The following CSMD1 variants were observed in gnomAD, a reference collection of about 807,000 sequenced individuals.
The protein encoded by CSMD1 is CUB and sushi domain-containing protein 1.
Under a neutral mutation model 417.5 loss-of-function variants are expected in CSMD1, and 213 were observed. The ratio of observed to expected loss-of-function variants is 0.51; its 90% CI spans 0.46 to 0.57. The LOEUF is 0.57. Among genes scored for constraint, CSMD1 ranks in the 20% least tolerant of loss-of-function variants. The pLI is 0.00. For synonymous variants in CSMD1, 2,862 were observed against 1,736.8 expected, an observed-to-expected ratio of 1.65 and a Z score of -16.11; for missense variants, 6,923 against 4,529.7, an observed-to-expected ratio of 1.53 and a Z score of -15.17.
chr8:3,733,937 G>A (rs1256458167), intron 6 of CSMD1, among the ~76,000 whole-genome samples: 6 of 152,068 alleles, frequency 3.9e-5, no homozygotes, highest in Non-Finnish European at 4.4e-5. Context: ...CACAGTTTCG[G>A]CCATCCACTG....
intron 25 of CSMD1, among the ~76,000 whole-genome samples, chr8:3,295,161 G>A (rs969024644): frequency 4.6e-5 from 7 of 151,800 alleles, no homozygotes; most frequent in African/African-American, 1.7e-4. Context: ...GTCTTGCTTT[G>A]TTGCCCAGGT....
At chr8:3,509,729 A>T (rs896884661) in intron 10 of CSMD1, among the ~76,000 whole-genome samples, 6 of 152,234 alleles carry the variant, frequency 3.9e-5, no homozygotes, top group African/African-American at 1.4e-4. Flanking sequence ...TAATTAACAG[A>T]ATAATCAGAG....
chr8:4,506,520 G>C (rs192956565), intron 2 of CSMD1, among the ~76,000 whole-genome samples: 1 of 152,136 alleles, frequency 6.6e-6, no homozygotes, highest in African/African-American at 2.4e-5. Context: ...AGGAGGCGGG[G>C]TTGGGGATGG....
chr8:3,935,012 G>A (rs1810386434), intron 5 of CSMD1, among the ~76,000 whole-genome samples: 1 of 152,106 alleles, frequency 6.6e-6, no homozygotes. Context: ...TCAAGTGCAT[G>A]GAGTATCTGA....
chr8:3,011,718 A>C (rs1022364426), intron 52 of CSMD1, among the ~76,000 whole-genome samples: 1 of 152,354 alleles, frequency 6.6e-6, no homozygotes, highest in African/African-American at 2.4e-5. Flanking sequence ...TGAAGAGGTA[A>C]CATAGTGGAG....
intron 15 of CSMD1, among the ~76,000 whole-genome samples, chr8:3,403,269 G>C (rs192473808): frequency 2.7e-4 from 41 of 152,264 alleles, no homozygotes; most frequent in African/African-American, 9.4e-4. Context: ...AATCAAGTTT[G>C]TTATCTGTAT....
intron 3 of CSMD1, among the ~76,000 whole-genome samples, chr8:4,079,180 G>T (rs148775041): frequency 1.3e-5 from 2 of 151,930 alleles, no homozygotes; most frequent in Non-Finnish European, 2.9e-5. Flanking sequence ...TTGAATATAA[G>T]CTAATGTTTT....
chr8:4,173,203 C>T (rs1251034250), intron 3 of CSMD1, among the ~76,000 whole-genome samples: 1 of 152,098 alleles, frequency 6.6e-6, no homozygotes, highest in East Asian at 1.9e-4. Context: ...AAGTGAATTT[C>T]AGATAAACGA....
At chr8:3,520,204 A>C (rs1585294857) in intron 10 of CSMD1, among the ~76,000 whole-genome samples, 1 of 152,222 alleles carries the variant, frequency 6.6e-6, no homozygotes, top group Non-Finnish European at 1.5e-5. Flanking sequence ...AATTTTTAAA[A>C]GTACTTCATA....
chr8:4,576,914 T>C (rs1019973190), intron 2 of CSMD1, among the ~76,000 whole-genome samples: 12 of 152,210 alleles, frequency 7.9e-5, no homozygotes, highest in Non-Finnish European at 1.5e-4. Context: ...ATTAATAGAA[T>C]GATTATTTAG....
At chr8:4,413,355 C>A (rs184219800) in intron 3 of CSMD1, among the ~76,000 whole-genome samples, 101 of 152,226 alleles carry the variant, frequency 6.6e-4, no homozygotes, top group African/African-American at 2.2e-3. Flanking sequence ...ATCATTCATT[C>A]TTTTATCCGA....
chr8:3,180,240 A>T (rs145022053), intron 37 of CSMD1, among the ~76,000 whole-genome samples: 30 of 152,364 alleles, frequency 2.0e-4, no homozygotes, highest in Non-Finnish European at 3.2e-4. Flanking sequence ...GACCTTTGTC[A>T]TTCCATTTAT....
chr8:3,914,920 T>G (rs75977884), intron 5 of CSMD1, among the ~76,000 whole-genome samples: 1 of 152,106 alleles, frequency 6.6e-6, no homozygotes, highest in Non-Finnish European at 1.5e-5. Context: ...TAATTACTGA[T>G]TGAACTAAAC....
At chr8:3,835,602 C>A (rs1186110626) in intron 5 of CSMD1, among the ~76,000 whole-genome samples, 2 of 151,906 alleles carry the variant, frequency 1.3e-5, no homozygotes, top group Admixed American at 1.3e-4. Context: ...AGGAGATATG[C>A]CTAATGCTAA....
chr8:3,249,794 A>C (rs938092595), intron 26 of CSMD1, among the ~76,000 whole-genome samples: 19 of 152,150 alleles, frequency 1.2e-4, no homozygotes, highest in Admixed American at 5.9e-4. Flanking sequence ...TCTAAACTTC[A>C]TTAGGGAAAA....
At chr8:3,730,578 C>T (rs1031977) in intron 6 of CSMD1, among the ~76,000 whole-genome samples, 15,630 of 152,048 alleles carry the variant, frequency 0.1, 1,166 homozygotes, top group African/African-American at 0.2. Context: ...GCTTTGCACA[C>T]ACTATATGGT....
intron 3 of CSMD1, among the ~76,000 whole-genome samples, chr8:4,169,170 A>C (rs926399881): frequency 1.3e-5 from 2 of 152,064 alleles, no homozygotes; most frequent in Admixed American, 1.3e-4. Flanking sequence ...CACCGTCTCT[A>C]CGGTTTCAGA....
At chr8:4,693,621 TC>T (rs753759098) in intron 1 of CSMD1, among the ~76,000 whole-genome samples, 51 of 152,344 alleles carry the variant, frequency 3.3e-4, no homozygotes, top group African/African-American at 1.2e-3. Flanking sequence ...TTTTTCTCCT[TC>T]CATTTTTTCA....
At chr8:3,667,001 T>A (rs1320025918) in intron 7 of CSMD1, among the ~76,000 whole-genome samples, 1 of 152,148 alleles carries the variant, frequency 6.6e-6, no homozygotes, top group Non-Finnish European at 1.5e-5. Context: ...GAAAGATAAC[T>A]ATGGCACAAC....
Sources: allele counts gnomAD v4.1 joint callset (sites outside exome capture counted in the v4.1 genomes callset), GRCh38; gene constraint gnomAD v4.1.1; transcripts MANE v1.5; gene names NCBI Gene and HGNC (gene_info 2026-07-23, HGNC 2026-07-21).